Variants in REPS2 observed in about 807,000 individuals in gnomAD.
The protein encoded by REPS2 is RALBP1 associated Eps domain containing 2.
REPS2 carries 23 observed loss-of-function variants against 53.6 expected under a neutral mutation model. That is an observed-to-expected ratio of 0.43 (90% confidence interval 0.31 to 0.61). The LOEUF is 0.61. Ranked by LOEUF, REPS2 falls within the 20% of genes least tolerant of loss-of-function variation. The probability of loss-of-function intolerance (pLI) is 0.11; values close to 1 mark genes in which losing one functional copy is unlikely to be tolerated. For synonymous variants in REPS2, 238 were observed against 218.6 expected, an observed-to-expected ratio of 1.09 and a Z score of -0.78; for missense variants, 446 against 534.9, an observed-to-expected ratio of 0.83 and a Z score of 1.64.
At position 16,947,044 on chromosome X, in the gene REPS2, C is replaced by G; in HGVS notation, c.183C>G (p.Ala61=). ...CCGGGTCTGGGCCCCCCGAGGCCGCCAGAGTCGCCCCCGGCACGGCCACTG... is the reference window on the plus strand; with the variant it reads ...CCGGGTCTGGGCCCCCCGAGGCCGCGAGAGTCGCCCCCGGCACGGCCACTG... ...GGPGSGPPEA[A]RVAPGTATAA... Residue 61 remains alanine, a synonymous_variant, in exon 1 of 18, where the codon GCC becomes GCG. Coordinates refer to ENST00000357277, the MANE Select transcript of REPS2 (RefSeq NM_004726.3). The G allele has an allele frequency of 2.0e-6, 2 of 1,012,319 alleles. No homozygotes were observed. Among genetic ancestry groups the G allele is most frequent in the Non-Finnish European group, 2.5e-6 (2 of 800,404 alleles). The allele number at this position is 1,012,319 out of a possible 1,213,427, so 83.4% of individuals were successfully genotyped here. A position where few individuals can be genotyped will look rare whatever the true frequency, so the allele number is the denominator to read the frequency against.
At chrX:16,992,161 G>A (rs2061171938) in intron 1 of REPS2, among the ~76,000 whole-genome samples, 1 of 111,083 alleles carries the variant, frequency 9.0e-6, no homozygotes, top group African/African-American at 3.3e-5. Flanking sequence ...TTTAGGAGGT[G>A]CATGAGGGCA....
chrX:17,020,110 TAGAC>T (rs2061552673), intron 2 of REPS2, among the ~76,000 whole-genome samples: 2 of 111,740 alleles, frequency 1.8e-5, no homozygotes, highest in African/African-American at 6.5e-5. Flanking sequence ...AGAAATGCCA[TAGAC>T]AGGGTGGAAG....
At position 17,152,648 on chromosome X, in the gene REPS2, T is replaced by C. The variant is rs1199067600; in HGVS notation, c.*5167T>C. On this transcript the variant is annotated 3_prime_UTR_variant, in exon 18 of 18. Coordinates refer to ENST00000357277, the MANE Select transcript of REPS2 (RefSeq NM_004726.3). ...CTAAAGCTCTTTCAGGGAGCTCTTC[T>C]CTGGGGCTGGAACAGTTGATTATGC... 1 of 112,764 alleles carries C rather than the reference T, an allele frequency of 8.9e-6. No individual in the cohort carries two copies. The highest frequency in any genetic ancestry group is 3.2e-5 in the African/African-American group (1 of 30,935). The allele number at this position is 112,764 out of a possible 1,213,427, so 9.3% of individuals were successfully genotyped here.
intron 1 of REPS2, among the ~76,000 whole-genome samples, chrX:17,000,737 A>T (rs981443792): frequency 7.2e-5 from 8 of 111,664 alleles, no homozygotes; most frequent in Non-Finnish European, 1.3e-4. Flanking sequence ...TTTTTTTGGT[A>T]ATACAGGTCT....
chrX:16,952,764 T>C (rs1464099672), intron 1 of REPS2, among the ~76,000 whole-genome samples: 1 of 112,109 alleles, frequency 8.9e-6, no homozygotes, highest in Non-Finnish European at 1.9e-5. Flanking sequence ...CAACTTTATA[T>C]TTTTACATCT....
chrX:17,162,883 G>A, the REPS2 span, among the ~76,000 whole-genome samples: 1 of 112,020 alleles, frequency 8.9e-6, no homozygotes. Context: ...AAACCATGGG[G>A]AGGAGGAAGA....
chrX:17,158,355 A>C, the REPS2 span, among the ~76,000 whole-genome samples: 1 of 111,903 alleles, frequency 8.9e-6, no homozygotes, highest in Non-Finnish European at 1.9e-5. Flanking sequence ...ATCATAATTC[A>C]GTGGTGGAAA....
chrX:17,105,994 C>T (rs141898043), intron 14 of REPS2, among the ~76,000 whole-genome samples: 1 of 111,882 alleles, frequency 8.9e-6, no homozygotes, highest in African/African-American at 3.2e-5. Context: ...TGCTGCCCCT[C>T]TACCCCTCTG....
chrX:17,060,692 G>A (rs1302957835), intron 8 of REPS2, among the ~76,000 whole-genome samples: 2 of 111,342 alleles, frequency 1.8e-5, no homozygotes, highest in Non-Finnish European at 3.8e-5. Context: ...AGGGGGCTTG[G>A]AGCATAGGAG....
chrX:17,103,743 A>G lies in REPS2; in HGVS notation c.1542A>G (p.Pro514=), dbSNP rs150062690. ...CTACCAAGTCAGGATTGTTACCCCC[A>G]CCACCTGCGCTCCCTCCAAGACCTT... ...VPATKSGLLP[P]PPALPPRPCP... Residue 514 remains proline, a synonymous_variant, in exon 14 of 18, where the codon CCA becomes CCG. Coordinates refer to ENST00000357277, the MANE Select transcript of REPS2 (RefSeq NM_004726.3). The G allele has an allele frequency of 3.3e-5, 40 of 1,208,630 alleles. No individual in the cohort carries two copies. The highest frequency in any genetic ancestry group is 4.4e-5 in the Non-Finnish European group (39 of 894,661).
chrX:17,093,166 CTATATATATATATATATATATATA>C (rs58530978), intron 13 of REPS2, among the ~76,000 whole-genome samples: 1 of 39,122 alleles, frequency 2.6e-5, no homozygotes, highest in African/African-American at 1.2e-4. Context: ...TGAGTTAATG[CTATATATATATATATATATATATA>C]TATATATATA....
intron 2 of REPS2, among the ~76,000 whole-genome samples, chrX:17,020,490 T>C (rs751547730): frequency 1.2e-4 from 13 of 111,976 alleles, no homozygotes; most frequent in African/African-American, 3.9e-4. Flanking sequence ...TTTCTCTTGC[T>C]TTTTTGCTTT....
At chrX:17,080,032 A>G (rs2062434505) in intron 13 of REPS2, among the ~76,000 whole-genome samples, 2 of 111,797 alleles carry the variant, frequency 1.8e-5, no homozygotes, top group Admixed American at 9.4e-5. Flanking sequence ...TGCTGCACTT[A>G]TCTTTATGTA....
intron 1 of REPS2, among the ~76,000 whole-genome samples, chrX:16,981,213 G>A: frequency 9.0e-6 from 1 of 111,564 alleles, no homozygotes; most frequent in Middle Eastern, 4.6e-3. Context: ...GTACTCCATG[G>A]AGCAGATGTG....
chrX:17,146,440 C>T (rs1175943968), intron 17 of REPS2, among the ~76,000 whole-genome samples: 1 of 111,547 alleles, frequency 9.0e-6, no homozygotes, highest in Non-Finnish European at 1.9e-5. Flanking sequence ...CTTCCCAGGG[C>T]ACTCTCTCTC....
the REPS2 span, among the ~76,000 whole-genome samples, chrX:17,183,254 G>T: frequency 8.9e-6 from 1 of 111,942 alleles, no homozygotes; most frequent in Non-Finnish European, 1.9e-5. Context: ...TGTTTTATCC[G>T]CTTTAGTAAG....
intron 14 of REPS2, among the ~76,000 whole-genome samples, chrX:17,119,613 C>A (rs2063111548): frequency 8.9e-6 from 1 of 111,898 alleles, no homozygotes; most frequent in Non-Finnish European, 1.9e-5. Flanking sequence ...CCTCTCACAG[C>A]AGTCATGCCC....
chrX:16,991,732 T>A (rs1204444851), intron 1 of REPS2, among the ~76,000 whole-genome samples: 6 of 108,690 alleles, frequency 5.5e-5, no homozygotes, highest in Non-Finnish European at 7.6e-5. Flanking sequence ...GAATAAAAAA[T>A]AAATAAATAA....
At chrX:17,166,544 T>G in the REPS2 span, among the ~76,000 whole-genome samples, 1 of 112,349 alleles carries the variant, frequency 8.9e-6, no homozygotes. Context: ...TAGTCATTCT[T>G]TGCAAAGGAC....
Sources: allele counts gnomAD v4.1 joint callset (sites outside exome capture counted in the v4.1 genomes callset), GRCh38; gene constraint gnomAD v4.1.1; transcripts MANE v1.5; gene names NCBI Gene and HGNC (gene_info 2026-07-23, HGNC 2026-07-21).